The following CAMTA1 variants were observed in gnomAD, a reference collection of about 807,000 sequenced individuals.
CAMTA1 encodes calmodulin-binding transcription activator 1.
In CAMTA1, 27 loss-of-function variants were observed where a neutral mutation model predicts 170.9. The ratio of observed to expected loss-of-function variants is 0.16; its 90% confidence interval spans 0.12 to 0.22. The LOEUF (loss-of-function observed/expected upper bound fraction) is 0.22. CAMTA1 is among the 10% of genes least tolerant of loss of function. The pLI is 1.00. For missense variants in CAMTA1, 1,619 were observed against 2,217.2 expected (o/e 0.73, Z 5.42); for synonymous variants, 833 against 891.5 (o/e 0.93, Z 1.17).
chr1:7,710,607 A>G (rs75941463), intron 11 of CAMTA1, among the ~76,000 whole-genome samples: 2 of 150,664 alleles, frequency 1.3e-5, no homozygotes, highest in African/African-American at 2.4e-5. Flanking sequence ...TCTCAAAAAA[A>G]AAAAAAAAAA....
chr1:7,597,111 C>T (rs547639685), intron 6 of CAMTA1, among the ~76,000 whole-genome samples: 250 of 152,258 alleles, frequency 1.6e-3, no homozygotes, highest in Non-Finnish European at 2.9e-3. Context: ...CCAGCAAACA[C>T]GAGCCCACTT....
rs530289629 is a variant in CAMTA1, at chr1:7,016,061, T to G, written c.235-75243T>G. 5.3e-5 allele frequency among the ~76,000 whole-genome samples: 8 copies of G among 152,276 alleles called. No individual in the cohort carries two copies. The South Asian group carries it at 1.7e-3, about 32-fold the overall frequency. On this transcript the variant is annotated intron_variant, in intron 3 of 22. Coordinates refer to ENST00000303635, the MANE Select transcript of CAMTA1 (RefSeq NM_015215.4). ...TTGGGGATTACAGTTTGACATGAGATTTGGGTGGGACACAGAGCCAAACCA... is the reference window on the plus strand; with the variant it reads ...TTGGGGATTACAGTTTGACATGAGAGTTGGGTGGGACACAGAGCCAAACCA...
intron 11 of CAMTA1, among the ~76,000 whole-genome samples, chr1:7,702,264 G>C (rs901792119): frequency 3.9e-5 from 6 of 152,146 alleles, no homozygotes; most frequent in African/African-American, 9.7e-5. Flanking sequence ...AAGGGTGAGG[G>C]GTCATGGGTA....
At chr1:7,464,780 T>C (rs984286634) in intron 5 of CAMTA1, among the ~76,000 whole-genome samples, 5 of 151,868 alleles carry the variant, frequency 3.3e-5, no homozygotes, top group African/African-American at 9.7e-5. Flanking sequence ...GAGGGTTCCA[T>C]TGCTGCATAA....
At chr1:7,279,123 G>A (rs1308019769) in intron 5 of CAMTA1, among the ~76,000 whole-genome samples, 1 of 152,160 alleles carries the variant, frequency 6.6e-6, no homozygotes, top group Non-Finnish European at 1.5e-5. Flanking sequence ...GAGGGGGCTG[G>A]TGAGCAGGTG....
chr1:7,665,823 T>G lies in CAMTA1; in HGVS notation c.2652+624T>G, dbSNP rs2095996448. Among the ~76,000 whole-genome samples, 1 of 152,156 alleles carries G rather than the reference T, an allele frequency of 6.6e-6. No homozygotes were observed. Among genetic ancestry groups the G allele is most frequent in the African/African-American group, 2.4e-5 (1 of 41,442 alleles). ...TTATGTGTTGAGTCCATCTATGTTT[T>G]GCTTTGCTTTTTTTTTGAAAAGGGG... On this transcript the variant is annotated intron_variant, in intron 9 of 22. Transcript: ENST00000303635. The surrounding 1 kb of genome is among the most constrained non-coding windows in gnomAD (Gnocchi z 4.3).
At chr1:7,453,539 G>A (rs1005424229) in intron 5 of CAMTA1, among the ~76,000 whole-genome samples, 15 of 152,194 alleles carry the variant, frequency 9.9e-5, no homozygotes, top group African/African-American at 2.7e-4. Flanking sequence ...CACTATGCTG[G>A]AACCCCCAGC....
chr1:7,466,726 A>G (rs2149535682), intron 5 of CAMTA1, among the ~76,000 whole-genome samples: 1 of 152,122 alleles, frequency 6.6e-6, no homozygotes, highest in East Asian at 1.9e-4. Flanking sequence ...GAGCGGATGC[A>G]GTGGGAAGCC....
chr1:7,492,904 C>T (rs1042917571), intron 6 of CAMTA1, among the ~76,000 whole-genome samples: 2 of 151,216 alleles, frequency 1.3e-5, no homozygotes, highest in African/African-American at 2.4e-5. Context: ...TACATACACA[C>T]GTGCACACAC....
At chr1:7,225,382 C>A (rs1181760746) in intron 4 of CAMTA1, among the ~76,000 whole-genome samples, 1 of 152,234 alleles carries the variant, frequency 6.6e-6, no homozygotes, top group African/African-American at 2.4e-5. Context: ...CCGTGCCCGG[C>A]CAGCAGATCT....
At chr1:7,284,419 G>A (rs1241585601) in intron 5 of CAMTA1, among the ~76,000 whole-genome samples, 1 of 151,934 alleles carries the variant, frequency 6.6e-6, no homozygotes, top group Non-Finnish European at 1.5e-5. Context: ...AGCCAGGCTG[G>A]TCTTGAACTC....
In CAMTA1 at chr1:7,561,019, A is replaced by G. The variant is rs771697166; in HGVS notation, c.511-79381A>G. 1.3e-5 allele frequency among the ~76,000 whole-genome samples: 2 copies of G among 152,142 alleles called. No individual in the cohort carries two copies. Among genetic ancestry groups the G allele is most frequent in the African/African-American group, 4.8e-5 (2 of 41,432 alleles). On this transcript the variant is annotated intron_variant, in intron 6 of 22. Transcript: ENST00000303635. The surrounding 1 kb of genome is among the most constrained non-coding windows in gnomAD (Gnocchi z 5.3). ...GACTGTGAAGGACAGGCTGGGACCT[A>G]GAAGCCCTGGCCCTCTGCGCTCAGG...
chr1:7,209,288 A>C (rs1558250451), intron 4 of CAMTA1, among the ~76,000 whole-genome samples: 1 of 152,214 alleles, frequency 6.6e-6, no homozygotes, highest in East Asian at 1.9e-4. Flanking sequence ...TCACTGTGTT[A>C]ATTGCTACTC....
chr1:6,981,324 A>G (rs1694402249), intron 3 of CAMTA1, among the ~76,000 whole-genome samples: 1 of 152,168 alleles, frequency 6.6e-6, no homozygotes, highest in Non-Finnish European at 1.5e-5. Context: ...AAAGTACTTT[A>G]GAAGATGGTA....
chr1:7,603,436 A>G (rs979555887), intron 6 of CAMTA1, among the ~76,000 whole-genome samples: 5 of 152,150 alleles, frequency 3.3e-5, no homozygotes, highest in African/African-American at 1.2e-4. Flanking sequence ...CCATTATGTA[A>G]TGGTCTTCTT....
chr1:7,550,445 C>T (rs1033044700), intron 6 of CAMTA1, among the ~76,000 whole-genome samples: 3 of 151,952 alleles, frequency 2.0e-5, no homozygotes, highest in African/African-American at 4.8e-5. Context: ...CACTCCCACC[C>T]GGCTTTCTCC....
chr1:7,444,708 G>A (rs2092635545), intron 5 of CAMTA1, among the ~76,000 whole-genome samples: 1 of 152,264 alleles, frequency 6.6e-6, no homozygotes, highest in African/African-American at 2.4e-5. Context: ...AGAAGCTGTT[G>A]TAGGATTAGG....
chr1:6,850,323 A>G (rs1239809130), intron 3 of CAMTA1, among the ~76,000 whole-genome samples: 3 of 152,248 alleles, frequency 2.0e-5, no homozygotes, highest in African/African-American at 4.8e-5. Context: ...TAGATTTGAC[A>G]GGCAGAGGTT....
At chr1:7,679,404 C>T (rs1393664293) in intron 11 of CAMTA1, among the ~76,000 whole-genome samples, 1 of 152,168 alleles carries the variant, frequency 6.6e-6, no homozygotes, top group Non-Finnish European at 1.5e-5. Flanking sequence ...CCCCTGGAAA[C>T]CCAGAGAGCC....
Sources: gnomAD v4.1 joint callset for allele counts (sites outside exome capture counted in the v4.1 genomes callset) on GRCh38, gnomAD v4.1.1 for gene constraint, Gnocchi (gnomAD v3.1) non-coding constraint, MANE v1.5 for transcripts, NCBI Gene and HGNC (gene_info 2026-07-23, HGNC 2026-07-21) for gene names.